ZBTB16: variants seen among roughly 807,000 people sequenced by gnomAD.
ZBTB16 encodes zinc finger and BTB domain-containing protein 16.
ZBTB16 carries 8 observed loss-of-function variants against 56.8 expected under a neutral mutation model. The observed-to-expected ratio is 0.14, with a 90% confidence interval of 0.08 to 0.25. ZBTB16 has a LOEUF of 0.25. Among genes scored for constraint, ZBTB16 ranks in the 10% least tolerant of loss-of-function variants. The probability of loss-of-function intolerance (pLI) is 1.00; values close to 1 mark genes in which losing one functional copy is unlikely to be tolerated. For missense variants in ZBTB16, 625 were observed against 903.0 expected (o/e 0.69, Z 3.95); for synonymous variants, 363 against 368.5 (o/e 0.98, Z 0.17).
chr11:114,242,080 C>T (rs1258361782), intron 4 of ZBTB16, 87 bp from the exon 5 acceptor site: 25 of 1,547,526 alleles, frequency 1.6e-5, no homozygotes, highest in Non-Finnish European at 2.0e-5. Context: ...AGGTGTGAGT[C>T]CCGACACTGG....
At chr11:114,111,156 C>CATGTGTGTGTGT (rs113987370) in intron 2 of ZBTB16, among the ~76,000 whole-genome samples, 7 of 148,962 alleles carry the variant, frequency 4.7e-5, no homozygotes, top group African/African-American at 1.5e-4. Flanking sequence ...ATCTGTGCTG[C>CATGTGTGTGTGT]GTGTGTGTGT....
chr11:114,216,939 G>A (rs1363335567), intron 4 of ZBTB16, among the ~76,000 whole-genome samples: 1 of 28,302 alleles, frequency 3.5e-5, no homozygotes, highest in Admixed American at 2.3e-4. Context: ...CAGCGATAGA[G>A]ATATTTATTA....
intron 4 of ZBTB16, among the ~76,000 whole-genome samples, chr11:114,219,622 G>GT (rs761299280): frequency 6.6e-6 from 1 of 151,438 alleles, no homozygotes; most frequent in Non-Finnish European, 1.5e-5. Context: ...AAGTTGATTG[G>GT]TTTTTTTTCT....
At chr11:114,182,481 G>T (rs1943271786) in intron 3 of ZBTB16, among the ~76,000 whole-genome samples, 1 of 152,076 alleles carries the variant, frequency 6.6e-6, no homozygotes, top group Non-Finnish European at 1.5e-5. Context: ...CGTCTCTTTT[G>T]TTTATTTCCT....
intron 4 of ZBTB16, among the ~76,000 whole-genome samples, chr11:114,207,592 C>G (rs552080): frequency 0.4 from 43,087 of 108,374 alleles, 6,905 homozygotes; most frequent in South Asian, 0.52. Context: ...ACACACACAA[C>G]ACACACACAC....
chr11:114,067,544 C>G (rs1008466660), intron 2 of ZBTB16, among the ~76,000 whole-genome samples: 4 of 152,116 alleles, frequency 2.6e-5, no homozygotes, highest in Non-Finnish European at 4.4e-5. Flanking sequence ...GCAGCTGGGA[C>G]TACAGATGTG....
chr11:114,194,075 TG>T (rs1943556193), intron 4 of ZBTB16, among the ~76,000 whole-genome samples: 1 of 152,134 alleles, frequency 6.6e-6, no homozygotes. Flanking sequence ...TGGCCCTGCC[TG>T]GGAAGAGCTC....
intron 4 of ZBTB16, among the ~76,000 whole-genome samples, chr11:114,239,978 G>A (rs754577165): frequency 6.6e-6 from 1 of 152,220 alleles, no homozygotes; most frequent in Non-Finnish European, 1.5e-5. Context: ...AAGAATGCCT[G>A]CCTTGTAGGA....
At chr11:114,123,106 AT>A (rs1337325405) in intron 2 of ZBTB16, among the ~76,000 whole-genome samples, 1 of 152,188 alleles carries the variant, frequency 6.6e-6, no homozygotes, top group East Asian at 1.9e-4. Flanking sequence ...CAAGGACACT[AT>A]TCTGTCAGAT....
intron 4 of ZBTB16, among the ~76,000 whole-genome samples, chr11:114,220,764 C>T (rs1201986073): frequency 2.6e-5 from 4 of 152,232 alleles, no homozygotes; most frequent in South Asian, 4.1e-4. Flanking sequence ...GTATCAGCTA[C>T]TCCTCCCATG....
intron 4 of ZBTB16, among the ~76,000 whole-genome samples, chr11:114,221,193 G>T (rs564065936): frequency 5.1e-4 from 77 of 152,244 alleles, no homozygotes; most frequent in African/African-American, 1.8e-3. Context: ...CAATATCACT[G>T]AGTAAATAGG....
intron 2 of ZBTB16, among the ~76,000 whole-genome samples, chr11:114,107,339 A>C (rs1284424739): frequency 1.3e-5 from 2 of 152,196 alleles, no homozygotes; most frequent in African/African-American, 4.8e-5. Flanking sequence ...TGTGCATTAT[A>C]AAACACTTCG....
At chr11:114,137,322 C>T (rs1468859624) in intron 2 of ZBTB16, among the ~76,000 whole-genome samples, 1 of 152,204 alleles carries the variant, frequency 6.6e-6, no homozygotes, top group African/African-American at 2.4e-5. Context: ...TCTTCCCACT[C>T]ATACCGCTGC....
At chr11:114,175,612 A>G (rs958926265) in intron 3 of ZBTB16, among the ~76,000 whole-genome samples, 2 of 151,880 alleles carry the variant, frequency 1.3e-5, no homozygotes, top group East Asian at 3.9e-4. Context: ...GGATTCTGAG[A>G]CCCAAGCAAT....
intron 2 of ZBTB16, among the ~76,000 whole-genome samples, chr11:114,088,899 A>G (rs1480338189): frequency 5.9e-5 from 9 of 152,192 alleles, no homozygotes; most frequent in Non-Finnish European, 2.9e-5. Flanking sequence ...GAAGTCTGTG[A>G]AGGGAGGTGG....
At chr11:114,092,634 C>T (rs1029614035) in intron 2 of ZBTB16, among the ~76,000 whole-genome samples, 6 of 152,200 alleles carry the variant, frequency 3.9e-5, no homozygotes, top group African/African-American at 1.2e-4. Context: ...AATTCTTCTT[C>T]TCCCTGTATT....
intron 5 of ZBTB16, among the ~76,000 whole-genome samples, chr11:114,245,246 C>T (rs574273190): frequency 1.3e-4 from 20 of 152,226 alleles, no homozygotes; most frequent in Non-Finnish European, 1.9e-4. Flanking sequence ...CAACTGAGAA[C>T]CCTGGGCCTT....
At chr11:114,217,474 G>C (rs1234386030) in intron 4 of ZBTB16, among the ~76,000 whole-genome samples, 1 of 152,164 alleles carries the variant, frequency 6.6e-6, no homozygotes, top group Non-Finnish European at 1.5e-5. Context: ...TGACGTCCAG[G>C]CATCTAGCTC....
chr11:114,177,991 C>T (rs1362123162), intron 3 of ZBTB16, among the ~76,000 whole-genome samples: 5 of 152,096 alleles, frequency 3.3e-5, no homozygotes, highest in Non-Finnish European at 5.9e-5. Flanking sequence ...TTTGCATTCC[C>T]TGGTTCCCTT....
Sources: gnomAD v4.1 joint callset for allele counts (sites outside exome capture counted in the v4.1 genomes callset) on GRCh38, gnomAD v4.1.1 for gene constraint, MANE v1.5 for transcripts, NCBI Gene and HGNC (gene_info 2026-07-23, HGNC 2026-07-21) for gene names.